The following HERC2 variants were observed in gnomAD, a reference collection of about 807,000 sequenced individuals.
The protein encoded by HERC2 is HECT and RLD domain containing E3 ubiquitin protein ligase 2.
HERC2 carries 102 observed loss-of-function variants against 537.7 expected under a neutral mutation model. The observed-to-expected ratio is 0.19, with a 90% confidence interval of 0.16 to 0.22. The LOEUF is 0.22. Ranked by LOEUF, HERC2 falls within the 10% of genes least tolerant of loss-of-function variation. HERC2 has a pLI of 1.00. For missense variants in HERC2, 4,236 were observed against 6,198.2 expected, an observed-to-expected ratio of 0.68 and a Z score of 10.63; for synonymous variants, 2,224 against 2,466.2, an observed-to-expected ratio of 0.90 and a Z score of 2.91.
intron 68 of HERC2, 141 bp downstream of exon 68, chr15:28,167,546 C>T (rs919304104): frequency 2.8e-5 from 26 of 941,642 alleles, no homozygotes; most frequent in African/African-American, 1.3e-4. Flanking sequence ...TTCCCACAAA[C>T]GCTTCGAAGA....
chr15:28,215,499 C>G, intron 39 of HERC2, 122 bp downstream of exon 39: 1 of 675,946 alleles, frequency 1.5e-6, no homozygotes, highest in South Asian at 2.0e-5. Flanking sequence ...GAAAATCTAC[C>G]CTGTCACTTC....
chr15:28,292,845 C>T (rs773795595), intron 4 of HERC2, 43 bp downstream of exon 4: 29 of 1,578,938 alleles, frequency 1.8e-5, no homozygotes, highest in African/African-American at 1.1e-4. Context: ...AGAAAGGGAG[C>T]GTCAGATCAA....
intron 79 of HERC2, 98 bp from the exon 80 acceptor site, chr15:28,132,928 TA>T: frequency 1.0e-6 from 1 of 981,752 alleles, no homozygotes; most frequent in South Asian, 2.3e-5. Flanking sequence ...CCTAATCAGT[TA>T]ATTGTTAAAT....
chr15:28,245,359 C>T (rs1903554894), intron 23 of HERC2, among the ~76,000 whole-genome samples: 1 of 151,924 alleles, frequency 6.6e-6, no homozygotes, highest in Non-Finnish European at 1.5e-5. Flanking sequence ...CCATCCTGGA[C>T]AACATGGTGA....
chr15:28,126,194 G>T (rs1360756346), intron 83 of HERC2, among the ~76,000 whole-genome samples: 1 of 152,200 alleles, frequency 6.6e-6, no homozygotes, highest in African/African-American at 2.4e-5. Context: ...TACTGCTGGT[G>T]GGAACAGAAA....
chr15:28,111,395 TGAAAG>T lies in HERC2; in HGVS notation c.*363_*367del, dbSNP rs893858546. The T allele has an allele frequency of 1.0e-4, 19 of 186,420 alleles. No individual in the cohort carries two copies. Among genetic ancestry groups the T allele is most frequent in the African/African-American group, 3.9e-4 (15 of 38,708 alleles). The allele number at this position is 186,420 out of a possible 1,614,324, so 11.5% of individuals were successfully genotyped here. ...TACAATCAAGACGACTCACGACACTTGAAAGAAAGGAGAAAGAAAAAAAATCGATT... is the reference window on the plus strand; with the variant it reads ...TACAATCAAGACGACTCACGACACTTAAAGGAGAAAGAAAAAAAATCGATT... On this transcript the variant is annotated 3_prime_UTR_variant, in exon 93 of 93. Transcript: ENST00000261609.
At chr15:28,174,289 T>C in intron 65 of HERC2, 106 bp downstream of exon 65, 1 of 779,276 alleles carries the variant, frequency 1.3e-6, no homozygotes, top group Non-Finnish European at 2.1e-6. Context: ...CATAATGCAG[T>C]TAACATGGCA....
At position 28,265,941 on chromosome 15, in the gene HERC2, G is replaced by C. The variant is rs1413724183; in HGVS notation, c.1632C>G (p.Phe544Leu). The change falls in exon 13 of 93, where the codon TTC becomes TTG. Residue 544 changes from phenylalanine (F) to leucine (L), a missense_variant. This residue lies in a region of HERC2 where 754 missense variants were observed against 1,085.0 expected (regional missense o/e 0.69). Coordinates refer to ENST00000261609, the MANE Select transcript of HERC2 (RefSeq NM_004667.6). This position sits in a 1 kb window ranked among gnomAD's most constrained non-coding sequence, Gnocchi z 4.0. ...PLEEPKVISA[F>L]SGKQAGKHVV... ...CGTGCTTCCCGGCCTGCTTTCCAGA[G>C]AAGGCGGAGATCACCTTAGGCTCCT... is the stretch of plus-strand genomic sequence containing the variant. The C allele has an allele frequency of 1.9e-6, 3 of 1,614,078 alleles. No homozygotes were observed. The African/African-American group carries it at 4.0e-5, about 22-fold the overall frequency.
intron 35 of HERC2, among the ~76,000 whole-genome samples, chr15:28,225,310 A>C (rs1901009571): frequency 6.6e-6 from 1 of 152,154 alleles, no homozygotes; most frequent in Non-Finnish European, 1.5e-5. Context: ...TAGAGATTAG[A>C]GCAGCCATAA....
At position 28,270,817 on chromosome 15, in the gene HERC2, G is replaced by C. The variant is rs762518193; in HGVS notation, c.1135C>G (p.Leu379Val). 1.2e-5 allele frequency: 19 copies of C among 1,613,804 alleles called. No individual in the cohort carries two copies. Among genetic ancestry groups the C allele is most frequent in the African/African-American group, 6.7e-5 (5 of 74,916 alleles). ...ATGGCAAGCTCGTTGTCTTGTGGAA[G>C]GGTGAGGTACCTCAGGAAACTCTCA... ...PNESFLRYLT[L>V]PQDNELAIDL... The change falls in exon 10 of 93, where the codon CTT (leucine) becomes GTT (valine). Residue 379 changes from leucine to valine, a missense_variant. Transcript: ENST00000261609.
In HERC2 at chr15:28,246,695, T is replaced by C; in HGVS notation, c.3391+47A>G. 1.4e-6 allele frequency: 2 copies of C among 1,470,348 alleles called. 1 individual carries two copies. The highest frequency in any genetic ancestry group is 2.7e-5 in the South Asian group (2 of 72,750). The allele number at this position is 1,470,348 out of a possible 1,614,324, so 91.1% of individuals were successfully genotyped here. ...AGCAAAGAAGACACTTTAGCTTTCATCTATCTCCTAAAATAAACATGTACA... is the reference window on the plus strand; with the variant it reads ...AGCAAAGAAGACACTTTAGCTTTCACCTATCTCCTAAAATAAACATGTACA... On this transcript the variant is annotated intron_variant, in intron 22 of 92. Coordinates refer to ENST00000261609, the MANE Select transcript of HERC2 (RefSeq NM_004667.6).
At chr15:28,236,270 T>G (rs1902438176) in intron 26 of HERC2, among the ~76,000 whole-genome samples, 1 of 150,798 alleles carries the variant, frequency 6.6e-6, no homozygotes, top group Non-Finnish European at 1.5e-5. Flanking sequence ...ATTATTATTT[T>G]TATCATCATC....
chr15:28,304,845 T>C (rs2076738543), intron 2 of HERC2, among the ~76,000 whole-genome samples: 2 of 129,716 alleles, frequency 1.5e-5, no homozygotes, highest in Non-Finnish European at 3.3e-5. Context: ...TATCTCCCAA[T>C]GCTACCCCTC....
chr15:28,255,927 A>C lies in HERC2; in HGVS notation c.2816T>G (p.Met939Arg). The C allele has an allele frequency of 6.2e-7, 1 of 1,604,674 alleles. No homozygotes were observed. Among genetic ancestry groups the C allele is most frequent in the Non-Finnish European group, 8.5e-7 (1 of 1,179,804 alleles). The part of the protein sequence containing the change: ...FMIDLLVGSL[M>R]ADGGLESALH... Reference sequence around the variant, plus strand: ...GGCTGACTCCAACCCTCCATCAGCCATCAAGCTGCCCACCAGAAGATCAAT... The same window carrying C: ...GGCTGACTCCAACCCTCCATCAGCCCTCAAGCTGCCCACCAGAAGATCAAT... Residue 939 changes from methionine (M) to arginine (R), a missense_variant, in exon 19 of 93, where the codon ATG becomes AGG. Transcript: ENST00000261609.
intron 69 of HERC2, among the ~76,000 whole-genome samples, chr15:28,159,219 A>G (rs186939457): frequency 0.037 from 5,622 of 152,014 alleles, 333 homozygotes; most frequent in African/African-American, 0.13. Flanking sequence ...TGTGTCTTGG[A>G]GTTGCTCTTC....
chr15:28,249,815 CTTTTTTT>C (rs11340454), intron 20 of HERC2, among the ~76,000 whole-genome samples: 1 of 134,376 alleles, frequency 7.4e-6, no homozygotes, highest in African/African-American at 2.7e-5. Context: ...GCCAAGCTAA[CTTTTTTT>C]TTTTTTTTTT....
chr15:28,170,590 C>A (rs1894595028), intron 65 of HERC2, among the ~76,000 whole-genome samples: 1 of 152,184 alleles, frequency 6.6e-6, no homozygotes, highest in Non-Finnish European at 1.5e-5. Flanking sequence ...TCTTTAGGAA[C>A]TAGCACTAGG....
intron 78 of HERC2, among the ~76,000 whole-genome samples, chr15:28,138,168 A>T (rs534989777): frequency 1.3e-5 from 2 of 152,250 alleles, no homozygotes; most frequent in African/African-American, 4.8e-5. Flanking sequence ...TCTTCATAAC[A>T]TAAAAGTGCA....
intron 77 of HERC2, 31 bp downstream of exon 77, chr15:28,141,700 C>A (rs775987457): frequency 5.5e-5 from 89 of 1,610,604 alleles, no homozygotes; most frequent in Non-Finnish European, 7.0e-5. Context: ...CACTCACGAT[C>A]GACATTACTG....
Sources: gnomAD v4.1 joint callset for allele counts (sites outside exome capture counted in the v4.1 genomes callset) on GRCh38, gnomAD v4.1.1 for gene constraint, gnomAD v4.1.1 regional missense constraint, Gnocchi (gnomAD v3.1) non-coding constraint, MANE v1.5 for transcripts, NCBI Gene and HGNC (gene_info 2026-07-23, HGNC 2026-07-21) for gene names.